DLGAP1: variants seen among roughly 807,000 people sequenced by gnomAD.
DLGAP1 encodes disks large-associated protein 1.
DLGAP1 carries 11 observed loss-of-function variants against 90.8 expected under a neutral mutation model. The ratio of observed to expected loss-of-function variants is 0.12; its 90% CI spans 0.08 to 0.20. The LOEUF is 0.20. Among genes scored for constraint, DLGAP1 ranks in the 10% least tolerant of loss-of-function variants. DLGAP1 has a pLI of 1.00. For missense variants in DLGAP1, 1,050 were observed against 1,333.8 expected (o/e 0.79, Z 3.31); for synonymous variants, 558 against 540.7 (o/e 1.03, Z -0.44).
intron 2 of DLGAP1, among the ~76,000 whole-genome samples, chr18:4,144,936 G>GAAAAAAAA (rs2144344797): frequency 6.6e-6 from 1 of 152,250 alleles, no homozygotes; most frequent in South Asian, 2.1e-4. Context: ...TCAAATATGT[G>GAAAAAAAA]ATTTGTAATA....
At chr18:4,103,791 T>C (rs1228333605) in intron 2 of DLGAP1, among the ~76,000 whole-genome samples, 1 of 152,170 alleles carries the variant, frequency 6.6e-6, no homozygotes, top group Non-Finnish European at 1.5e-5. Context: ...TTGTATTAAA[T>C]ATTTTTTCAG....
intron 2 of DLGAP1, among the ~76,000 whole-genome samples, chr18:4,103,461 T>C (rs565149469): frequency 1.3e-5 from 2 of 152,224 alleles, no homozygotes; most frequent in East Asian, 3.8e-4. Context: ...GGTAGGGTAG[T>C]GTACAAGAAA....
At chr18:4,232,783 C>A (rs770193920) in intron 1 of DLGAP1, among the ~76,000 whole-genome samples, 2 of 152,116 alleles carry the variant, frequency 1.3e-5, no homozygotes, top group African/African-American at 4.8e-5. Flanking sequence ...GGGACCTCAC[C>A]GCATGAAAGC....
chr18:3,795,033 G>C (rs2065917850), intron 5 of DLGAP1, among the ~76,000 whole-genome samples: 1 of 152,228 alleles, frequency 6.6e-6, no homozygotes, highest in African/African-American at 2.4e-5. Flanking sequence ...TTATTGGTCA[G>C]GGAGAATGTA....
chr18:4,141,989 A>T (rs796079544), intron 2 of DLGAP1, among the ~76,000 whole-genome samples: 3 of 152,060 alleles, frequency 2.0e-5, no homozygotes, highest in Admixed American at 6.6e-5. Context: ...TATTTAGTTC[A>T]TTCAGTGCTG....
At chr18:4,393,299 G>A (rs888606218) in intron 1 of DLGAP1, among the ~76,000 whole-genome samples, 8 of 151,972 alleles carry the variant, frequency 5.3e-5, no homozygotes, top group Non-Finnish European at 1.0e-4. Flanking sequence ...CTCTTCTATC[G>A]TACTCCATGC....
chr18:3,765,153 A>G (rs2064167582), intron 5 of DLGAP1, among the ~76,000 whole-genome samples: 1 of 98,080 alleles, frequency 1.0e-5, no homozygotes. Flanking sequence ...TTTGAGACAG[A>G]GTCTCGCTCT....
At chr18:3,908,860 T>C (rs2071971295) in intron 3 of DLGAP1, among the ~76,000 whole-genome samples, 2 of 152,236 alleles carry the variant, frequency 1.3e-5, no homozygotes, top group East Asian at 1.9e-4. Context: ...CTAATAAATA[T>C]GAAGAGGCAA....
intron 4 of DLGAP1, among the ~76,000 whole-genome samples, chr18:3,829,777 G>C (rs1292639747): frequency 2.0e-5 from 3 of 152,136 alleles, no homozygotes; most frequent in Non-Finnish European, 4.4e-5. Flanking sequence ...ACTGATTATA[G>C]ATTTTAACCA....
At chr18:4,232,333 G>A (rs749616990) in intron 1 of DLGAP1, among the ~76,000 whole-genome samples, 6 of 152,054 alleles carry the variant, frequency 3.9e-5, no homozygotes, top group African/African-American at 1.4e-4. Flanking sequence ...GTGGCTAAAG[G>A]TATTCTTCTT....
In DLGAP1 at chr18:3,880,050, T is replaced by A; in HGVS notation, c.19A>T (p.Ser7Cys). ...GTGACCCCGTGGTGATGGCTGCGGC[T>A]GCCTGATAGCCCTTTCATGGCGGAC... MKGLSG[S>C]RSHHHGVTCD... The change falls in exon 4 of 13, where the codon AGC becomes TGC. Residue 7 changes from serine to cysteine, a missense_variant. By Grantham distance (112) the Ser-to-Cys change is moderately radical (BLOSUM62 -1). This residue lies in a region of DLGAP1 where 485 missense variants were observed against 454.1 expected (regional missense o/e 1.07). Coordinates refer to ENST00000315677, the MANE Select transcript of DLGAP1 (RefSeq NM_004746.4). 1.9e-6 allele frequency: 3 copies of A among 1,602,754 alleles called. No homozygotes were observed. The highest frequency in any genetic ancestry group is 2.5e-6 in the Non-Finnish European group (3 of 1,179,766).
chr18:3,608,166 T>G (rs748231569), intron 7 of DLGAP1: 1 of 152,140 alleles, frequency 6.6e-6, no homozygotes, highest in Non-Finnish European at 1.5e-5. Context: ...CTACTAAAAA[T>G]ACAAAATTAG....
At chr18:3,625,598 T>C (rs964953144) in intron 7 of DLGAP1, among the ~76,000 whole-genome samples, 1 of 152,198 alleles carries the variant, frequency 6.6e-6, no homozygotes, top group Non-Finnish European at 1.5e-5. Context: ...TTTATGAATA[T>C]GTTGTAATCT....
At chr18:4,011,007 C>T (rs1032181148) in intron 2 of DLGAP1, among the ~76,000 whole-genome samples, 12 of 151,788 alleles carry the variant, frequency 7.9e-5, no homozygotes, top group African/African-American at 2.7e-4. Flanking sequence ...GAAATCCCGT[C>T]TCTACTAAAA....
chr18:4,091,633 G>A (rs9973016), intron 2 of DLGAP1, among the ~76,000 whole-genome samples: 49,090 of 151,664 alleles, frequency 0.32, 8,168 homozygotes, highest in African/African-American at 0.4. Flanking sequence ...TTCTTTCCAC[G>A]ACTGTGCTGA....
intron 7 of DLGAP1, among the ~76,000 whole-genome samples, chr18:3,639,441 T>C (rs1432192290): frequency 6.6e-6 from 1 of 151,398 alleles, no homozygotes; most frequent in Non-Finnish European, 1.5e-5. Context: ...TGGGTGCTAT[T>C]AGCAGCGTCC....
chr18:4,429,331 G>C (rs1447869077), intron 1 of DLGAP1, among the ~76,000 whole-genome samples: 1 of 152,082 alleles, frequency 6.6e-6, no homozygotes, highest in Admixed American at 6.5e-5. Context: ...CCACTTGGAA[G>C]GTGTGAAAAT....
At chr18:3,688,504 C>T (rs964596710) in intron 7 of DLGAP1, among the ~76,000 whole-genome samples, 6 of 151,956 alleles carry the variant, frequency 3.9e-5, no homozygotes, top group African/African-American at 1.2e-4. Flanking sequence ...TGTGAAATGC[C>T]TGTTCATGTG....
At chr18:3,939,055 C>T (rs1182654975) in intron 3 of DLGAP1, among the ~76,000 whole-genome samples, 2 of 152,040 alleles carry the variant, frequency 1.3e-5, no homozygotes, top group Non-Finnish European at 2.9e-5. Context: ...GAAGAGGTGG[C>T]AGAAGTGTAT....
Sources: allele counts gnomAD v4.1 joint callset (sites outside exome capture counted in the v4.1 genomes callset), GRCh38; gene constraint gnomAD v4.1.1; regional missense constraint gnomAD v4.1.1; transcripts MANE v1.5; gene names NCBI Gene and HGNC (gene_info 2026-07-23, HGNC 2026-07-21).